The following ROBO2 variants were observed in gnomAD, a reference collection of about 807,000 sequenced individuals.
ROBO2 encodes the protein roundabout guidance receptor 2, also known as roundabout homolog 2.
Under a neutral mutation model 160.8 loss-of-function variants are expected in ROBO2, and 53 were observed. The ratio of observed to expected loss-of-function variants is 0.33; its 90% CI spans 0.26 to 0.41. The LOEUF (loss-of-function observed/expected upper bound fraction) is 0.41. ROBO2 is among the 10% of genes least tolerant of loss of function. The pLI, the probability that ROBO2 is intolerant of heterozygous loss-of-function variation, is 1.00. For missense variants in ROBO2, 1,577 were observed against 1,722.4 expected, an observed-to-expected ratio of 0.92 and a Z score of 1.49; for synonymous variants, 664 against 611.7, an observed-to-expected ratio of 1.09 and a Z score of -1.26.
intron 21 of ROBO2, among the ~76,000 whole-genome samples, chr3:77,614,659 C>T (rs185728816): frequency 1.3e-5 from 2 of 152,002 alleles, no homozygotes; most frequent in East Asian, 3.9e-4. Context: ...CTTTGGAATT[C>T]GGGAAAAAGC....
intron 2 of ROBO2, among the ~76,000 whole-genome samples, chr3:76,486,924 TA>T (rs2079528159): frequency 6.6e-6 from 1 of 152,146 alleles, no homozygotes; most frequent in South Asian, 2.1e-4. Context: ...CTAAATGTTA[TA>T]AGGGAGTAGA....
At chr3:76,134,506 G>A (rs1158529050) in intron 2 of ROBO2, among the ~76,000 whole-genome samples, 1 of 152,108 alleles carries the variant, frequency 6.6e-6, no homozygotes, top group Non-Finnish European at 1.5e-5. Flanking sequence ...TGGATAGGTT[G>A]ACAGTATCAG....
At position 76,185,215 on chromosome 3, in the gene ROBO2, T is replaced by TATATATATATATATATATATAC; in HGVS notation, c.109+247614_109+247615insTATATATATATATATATATACA. ...ACACAGATATATATATATATATATA[T>TATATATATATATATATATATAC]ACACACACAAAGATGTTATATATAC... On this transcript the variant is annotated intron_variant, in intron 2 of 26. Transcript: ENST00000487694. Among the ~76,000 whole-genome samples, 43 of 90,276 alleles carry TATATATATATATATATATATAC rather than the reference T, an allele frequency of 4.8e-4. 1 individual carries two copies. The highest frequency in any genetic ancestry group is 8.1e-4 in the East Asian group (3 of 3,702). The allele number at this position is 90,276 out of a possible 152,430, so 59.2% of individuals were successfully genotyped here. A position where few individuals can be genotyped will look rare whatever the true frequency, so the allele number is the denominator to read the frequency against.
intron 2 of ROBO2, among the ~76,000 whole-genome samples, chr3:76,813,606 T>G (rs983931250): frequency 5.3e-5 from 8 of 152,176 alleles, no homozygotes; most frequent in Non-Finnish European, 1.2e-4. Flanking sequence ...ATTATTGTGA[T>G]AAGCAAAAAC....
intron 4 of ROBO2, among the ~76,000 whole-genome samples, chr3:77,487,682 G>A (rs2153595811): frequency 6.6e-6 from 1 of 152,212 alleles, no homozygotes; most frequent in African/African-American, 2.4e-5. Flanking sequence ...TGACACTACA[G>A]GGTGGCAGGT....
chr3:77,376,497 A>AT (rs1231141579), intron 2 of ROBO2, among the ~76,000 whole-genome samples: 21 of 152,132 alleles, frequency 1.4e-4, no homozygotes, highest in Admixed American at 1.3e-3. Flanking sequence ...ACAAGCTAAA[A>AT]TTCCTCTTGA....
chr3:76,067,886 G>C (rs1049787850), intron 2 of ROBO2, among the ~76,000 whole-genome samples: 1 of 152,170 alleles, frequency 6.6e-6, no homozygotes, highest in African/African-American at 2.4e-5. Flanking sequence ...CATGTAATAT[G>C]TGATAGATAG....
At chr3:76,562,432 A>G (rs1414739588) in intron 2 of ROBO2, among the ~76,000 whole-genome samples, 2 of 122,326 alleles carry the variant, frequency 1.6e-5, no homozygotes, top group African/African-American at 3.1e-5. Context: ...TGCATCTTAT[A>G]AGATTGATCT....
Position 77,090,878 on chromosome 3 carries a change from G to T in ROBO2, c.62-7136G>T, listed in dbSNP as rs147432761. ...GAAGTAATCCTGGAGAATCTTCCTGGGTTAATTCTATTTATATCGTTTTGG... is the reference window on the plus strand; with the variant it reads ...GAAGTAATCCTGGAGAATCTTCCTGTGTTAATTCTATTTATATCGTTTTGG... On this transcript the variant is annotated intron_variant, in intron 1 of 25. Transcript: ENST00000461745. Among the ~76,000 whole-genome samples, 188 of 152,086 alleles carry T rather than the reference G, an allele frequency of 1.2e-3. 2 individuals carry two copies. The highest frequency in any genetic ancestry group is 4.3e-3 in the African/African-American group (180 of 41,486).
intron 2 of ROBO2, among the ~76,000 whole-genome samples, chr3:76,850,224 A>G (rs1209804660): frequency 6.6e-6 from 1 of 152,182 alleles, no homozygotes; most frequent in African/African-American, 2.4e-5. Context: ...TTAAGATTTT[A>G]TGACTAAAAA....
At chr3:76,586,639 A>G (rs1349756193) in intron 2 of ROBO2, among the ~76,000 whole-genome samples, 2 of 152,354 alleles carry the variant, frequency 1.3e-5, no homozygotes, top group Admixed American at 6.5e-5. Flanking sequence ...ACATTCCTCA[A>G]TTCAAACACT....
rs2090116012 is a variant in ROBO2 at position 76,632,985 on chromosome 3, A to G, written c.110-465029A>G. Among the ~76,000 whole-genome samples the G allele has an allele frequency of 2.0e-5, 3 of 152,336 alleles. No homozygotes were observed. The South Asian group carries it at 6.2e-4, about 32-fold the overall frequency. ...GAAAGGACAAAGAAAAATGCATTAT[A>G]GCATTGCGCCTTTCAGATGAGTATT... On this transcript the variant is annotated intron_variant, in intron 2 of 26. Coordinates refer to the ROBO2 transcript ENST00000487694.
rs541692702 is a variant in ROBO2 at position 76,476,638 on chromosome 3, C to T, written c.109+539036C>T. ...AATCCAGGGTGATTGGGAGAGGTGG[C>T]GGCCTTTTCTGCCACTATTGGCATG... On this transcript the variant is annotated intron_variant, in intron 2 of 26. Transcript: ENST00000487694. 2.7e-4 allele frequency among the ~76,000 whole-genome samples: 41 copies of T among 152,242 alleles called. 2 individuals are homozygous for T. The South Asian group carries it at 7.9e-3, about 29-fold the overall frequency.
In ROBO2 at chr3:76,489,084, C is replaced by CAA. The variant is rs67454494; in HGVS notation, c.109+551512_109+551513dup. Among the ~76,000 whole-genome samples the CAA allele has an allele frequency of 3.3e-3, 201 of 60,128 alleles. 8 individuals carry two copies. Among genetic ancestry groups the CAA allele is most frequent in the Middle Eastern group, 0.013 (1 of 76 alleles). 39.4% of individuals were successfully genotyped at this position (60,128 alleles called of 152,430 possible). Reference sequence around the variant, plus strand: ...TGGGTGACAGAGTGAGACTCTGTCTCAAAAAAAAAAAAAAAAAAAAAAAAA... The same window carrying CAA: ...TGGGTGACAGAGTGAGACTCTGTCTCAAAAAAAAAAAAAAAAAAAAAAAAAAA... On this transcript the variant is annotated intron_variant, in intron 2 of 26. Transcript: ENST00000487694.
In ROBO2 at chr3:76,328,026, AG is replaced by A. The variant is rs368973764; in HGVS notation, c.109+390425del. Among the ~76,000 whole-genome samples, 1,037 of 152,300 alleles carry A rather than the reference AG, an allele frequency of 6.8e-3. 14 individuals are homozygous for A. Among genetic ancestry groups the A allele is most frequent in the South Asian group, 0.048 (232 of 4,824 alleles). ...TGTGTGTTTCAAAGGGGAAAAAAAAAGAAGAAACCAGAAAGAAGAGAAAGAA... is the reference window on the plus strand; with the variant it reads ...TGTGTGTTTCAAAGGGGAAAAAAAAAAAGAAACCAGAAAGAAGAGAAAGAA... On this transcript the variant is annotated intron_variant, in intron 2 of 26. Coordinates refer to the ROBO2 transcript ENST00000487694.
At chr3:76,026,433 A>G (rs2066748943) in intron 2 of ROBO2, among the ~76,000 whole-genome samples, 2 of 152,014 alleles carry the variant, frequency 1.3e-5, no homozygotes, top group South Asian at 2.1e-4. Context: ...CTCTATATAC[A>G]CTTTTTCTTC....
intron 2 of ROBO2, among the ~76,000 whole-genome samples, chr3:76,841,052 A>C (rs896371383): frequency 6.6e-6 from 1 of 152,194 alleles, no homozygotes; most frequent in Admixed American, 6.5e-5. Flanking sequence ...AAGGCGATAC[A>C]CAAGGAAGCA....
intron 2 of ROBO2, among the ~76,000 whole-genome samples, chr3:77,424,933 T>C (rs1341283667): frequency 6.6e-6 from 1 of 152,122 alleles, no homozygotes; most frequent in Non-Finnish European, 1.5e-5. Flanking sequence ...TCTAAAATCC[T>C]CCTTAGAAAA....
rs1317009260 is a variant in ROBO2, at chr3:76,711,618, C to T, written c.110-386396C>T. Among the ~76,000 whole-genome samples the T allele has an allele frequency of 2.0e-5, 3 of 152,152 alleles. No individual in the cohort carries two copies. In the East Asian group the frequency reaches 5.8e-4, roughly 29 times the overall value. The stretch of plus-strand genomic sequence containing the variant: ...TCAAATGGCAGGGACTGTGCAAGAA[C>T]GCCTAACGTACAACAGAGTAGGGAA... On this transcript the variant is annotated intron_variant, in intron 2 of 26. Transcript: ENST00000487694.
Sources: gnomAD v4.1 joint callset for allele counts (sites outside exome capture counted in the v4.1 genomes callset) on GRCh38, gnomAD v4.1.1 for gene constraint, MANE v1.5 for transcripts, NCBI Gene and HGNC (gene_info 2026-07-23, HGNC 2026-07-21) for gene names.